Variants in CD8B2 observed in about 807,000 individuals in gnomAD.
CD8B2 encodes the protein CD8B family member 2, also known as T-cell surface glycoprotein CD8 beta-2 chain.
In CD8B2, 11 loss-of-function variants were observed where a neutral mutation model predicts 23.7. The observed-to-expected ratio is 0.46, with a 90% CI of 0.29 to 0.77. CD8B2 has a LOEUF of 0.77. Ranked by LOEUF, CD8B2 falls within the 30% of genes least tolerant of loss-of-function variation. The pLI is 0.09. For synonymous variants in CD8B2, 90 were observed against 109.3 expected, an observed-to-expected ratio of 0.82 and a Z score of 1.10; for missense variants, 197 against 270.5, an observed-to-expected ratio of 0.73 and a Z score of 1.91.
chr2:106,532,961 C>A (rs1322302885), intron 5 of CD8B2, among the ~76,000 whole-genome samples: 1 of 152,148 alleles, frequency 6.6e-6, no homozygotes, highest in African/African-American at 2.4e-5. Flanking sequence ...TGGAGTTGTT[C>A]TGGTTCAAAC....
chr2:106,498,210 T>G (rs1382927156), intron 3 of CD8B2, among the ~76,000 whole-genome samples: 1 of 151,782 alleles, frequency 6.6e-6, no homozygotes, highest in Non-Finnish European at 1.5e-5. Context: ...TGCAGTGGCG[T>G]GATCTCAGCT....
intron 5 of CD8B2, among the ~76,000 whole-genome samples, chr2:106,529,989 A>AGGAT (rs1679969489): frequency 6.6e-6 from 1 of 152,250 alleles, no homozygotes; most frequent in African/African-American, 2.4e-5. Flanking sequence ...TTGAGAATGA[A>AGGAT]GGATCAGGTC....
At chr2:106,514,735 A>C (rs1342987225), downstream of CD8B2, among the ~76,000 whole-genome samples, 1 of 112,094 alleles carries the variant, frequency 8.9e-6, no homozygotes, top group Non-Finnish European at 1.8e-5. Flanking sequence ...TTTAATATCC[A>C]AGCTCAGTTA....
intron 3 of CD8B2, among the ~76,000 whole-genome samples, chr2:106,498,140 TTTTC>T (rs1449172961): frequency 1.2e-3 from 179 of 149,066 alleles, no homozygotes; most frequent in African/African-American, 4.3e-3. Flanking sequence ...GCATAATTTC[TTTTC>T]TTTCTTTCTT....
At position 106,503,263 on chromosome 2, in the gene CD8B2, G is replaced by C. The variant is rs1001143922; in HGVS notation, c.583+700G>C. Among the ~76,000 whole-genome samples the C allele has an allele frequency of 6.6e-5, 10 of 152,268 alleles. No homozygotes were observed. The East Asian group carries it at 1.9e-3, about 29-fold the overall frequency. On this transcript the variant is annotated intron_variant, in intron 4 of 5. Coordinates refer to ENST00000643224, the MANE Select transcript of CD8B2 (RefSeq NM_001349727.2). ...CGAGCCAGCCCCTTCCCCTCTCTGC[G>C]CATCTATAAAGTGGGCAGGTGGGAC...
In CD8B2 at chr2:106,542,843, C is replaced by T. The variant is rs1372104324; in HGVS notation, c.621-1149C>T. On this transcript the variant is annotated intron_variant, in intron 5 of 5. Transcript: ENST00000416057. ...TGTGTATAAGTGAATACATGTGCGC[C>T]CATCATCCAGCCCCGGCTTATCAAC... Among the ~76,000 whole-genome samples the T allele has an allele frequency of 2.0e-5, 3 of 151,656 alleles. No individual in the cohort carries two copies. The East Asian group carries it at 5.8e-4, about 29-fold the overall frequency.
intron 2 of CD8B2, among the ~76,000 whole-genome samples, chr2:106,492,764 T>C (rs1679218587): frequency 6.6e-6 from 1 of 152,160 alleles, no homozygotes. Context: ...AGCAGCACGA[T>C]TAGGAAGACA....
At chr2:106,513,029 A>G (rs1217435613), downstream of CD8B2, among the ~76,000 whole-genome samples, 1 of 152,068 alleles carries the variant, frequency 6.6e-6, no homozygotes, top group Non-Finnish European at 1.5e-5. Context: ...AAAGGCTCAG[A>G]TAGAAAGTCC....
intron 5 of CD8B2, chr2:106,542,869 T>G (rs11896846): frequency 0.19 from 28,562 of 151,980 alleles, 3,234 homozygotes; most frequent in East Asian, 0.56. Flanking sequence ...GCTTATCAAC[T>G]GAGCAGTGCC....
At chr2:106,512,362 C>A (rs903684579), downstream of CD8B2, among the ~76,000 whole-genome samples, 1 of 152,164 alleles carries the variant, frequency 6.6e-6, no homozygotes, top group Admixed American at 6.5e-5. Flanking sequence ...CAGGAATGAG[C>A]CACAGCACAT....
chr2:106,492,395 A>G (rs1232245650), intron 2 of CD8B2, among the ~76,000 whole-genome samples: 2 of 152,088 alleles, frequency 1.3e-5, no homozygotes, highest in African/African-American at 4.8e-5. Context: ...CTATATTTTC[A>G]TCTCAACATG....
rs545900147 is a variant in CD8B2 at position 106,506,617 on chromosome 2, G to A, written c.621-311G>A. On this transcript the variant is annotated intron_variant, in intron 5 of 5. Transcript: ENST00000643224. ...CTGTCCTTAGAAAATCATCCCATCC[G>A]CAGGCTAATTTCTTCTGGCCCCTTG... Among the ~76,000 whole-genome samples, 276 of 142,420 alleles carry A rather than the reference G, an allele frequency of 1.9e-3. 1 individual carries two copies. Among genetic ancestry groups the A allele is most frequent in the African/African-American group, 6.8e-3 (267 of 39,478 alleles). The allele number at this position is 142,420 out of a possible 152,430, so 93.4% of individuals were successfully genotyped here. A position where few individuals can be genotyped will look rare whatever the true frequency, so the allele number is the denominator to read the frequency against.
chr2:106,540,538 A>T (rs1266047997), intron 5 of CD8B2, among the ~76,000 whole-genome samples: 1 of 152,132 alleles, frequency 6.6e-6, no homozygotes, highest in Non-Finnish European at 1.5e-5. Context: ...AGGGGGAAAA[A>T]GTAAATCAAG....
chr2:106,527,248 T>TA (rs538454866), intron 5 of CD8B2, among the ~76,000 whole-genome samples: 11 of 151,714 alleles, frequency 7.3e-5, no homozygotes, highest in Admixed American at 2.0e-4. Flanking sequence ...ACTTTTTTCT[T>TA]AAAAAAAAAT....
intron 5 of CD8B2, among the ~76,000 whole-genome samples, chr2:106,526,283 A>T (rs1468598523): frequency 6.6e-6 from 1 of 152,178 alleles, no homozygotes; most frequent in Non-Finnish European, 1.5e-5. Context: ...TACAACTCAC[A>T]TACCTAAAGT....
chr2:106,544,266 C>A, exon 6 of CD8B2: 1 of 388,748 alleles, frequency 2.6e-6, no homozygotes. Context: ...ATGTGGGAAG[C>A]AGTTGCAGAA....
At chr2:106,542,694 A>G (rs1443039072) in intron 5 of CD8B2, among the ~76,000 whole-genome samples, 1 of 148,150 alleles carries the variant, frequency 6.7e-6, no homozygotes, top group East Asian at 1.9e-4. Context: ...TATATGAAAT[A>G]TATATTATAT....
At chr2:106,499,360 C>T (rs1204296531) in intron 3 of CD8B2, among the ~76,000 whole-genome samples, 3 of 151,930 alleles carry the variant, frequency 2.0e-5, no homozygotes, top group African/African-American at 7.3e-5. Flanking sequence ...TGGCGAAACC[C>T]GTCTCCACTA....
chr2:106,498,152 CTT>C (rs59508147), intron 3 of CD8B2, among the ~76,000 whole-genome samples: 5 of 145,476 alleles, frequency 3.4e-5, no homozygotes, highest in African/African-American at 5.0e-5. Context: ...TTCTTTCTTT[CTT>C]TTTTTTTTTT....
Sources: allele counts gnomAD v4.1 joint callset (sites outside exome capture counted in the v4.1 genomes callset), GRCh38; gene constraint gnomAD v4.1.1; transcripts MANE v1.5; gene names NCBI Gene and HGNC (gene_info 2026-07-23, HGNC 2026-07-21).